The following PCDHGA1 variants were observed in gnomAD, a reference collection of about 807,000 sequenced individuals.
PCDHGA1 encodes protocadherin gamma subfamily A, 1.
In PCDHGA1, 32 loss-of-function variants were observed where a neutral mutation model predicts 58.0. The observed-to-expected ratio is 0.55, with a 90% CI of 0.42 to 0.74. The LOEUF (loss-of-function observed/expected upper bound fraction) is 0.74, where lower values mean the gene tolerates loss of function less well. PCDHGA1 is among the 30% of genes least tolerant of loss of function. The probability of loss-of-function intolerance (pLI) is 0.00; values close to 1 mark genes in which losing one functional copy is unlikely to be tolerated. For synonymous variants in PCDHGA1, 498 were observed against 501.1 expected (o/e 0.99, Z 0.08); for missense variants, 1,205 against 1,182.3 (o/e 1.02, Z -0.28).
chr5:141,478,711 T>C, intron 1 of PCDHGA1: 3 of 1,547,346 alleles, frequency 1.9e-6, no homozygotes, highest in Non-Finnish European at 1.7e-6. Flanking sequence ...CTTTGTGAGA[T>C]GGTGGCCTGC....
rs757158343 is a variant in PCDHGA1, at chr5:141,346,466, A to G, written c.2421+13361A>G. The G allele has an allele frequency of 5.0e-6, 8 of 1,613,876 alleles. No individual in the cohort carries two copies. In the Admixed American group the frequency reaches 1.3e-4, roughly 27 times the overall value. On this transcript the variant is annotated intron_variant, in intron 1 of 3. Transcript: ENST00000517417. ...ATTCCAACCTACTTCAGGTGAGTTTATTTATTTCTTTGATTATTAAGAACA... is the reference window on the plus strand; with the variant it reads ...ATTCCAACCTACTTCAGGTGAGTTTGTTTATTTCTTTGATTATTAAGAACA...
At chr5:141,375,787 C>T (rs759753735) in intron 1 of PCDHGA1, 1 of 1,614,256 alleles carries the variant, frequency 6.2e-7, no homozygotes, top group South Asian at 1.1e-5. Flanking sequence ...CCGCCCTCCC[C>T]ACAGACGGTT....
intron 1 of PCDHGA1, chr5:141,405,168 A>G: frequency 1.2e-6 from 2 of 1,613,960 alleles, no homozygotes. Flanking sequence ...CCCACCTCAC[A>G]CTTTGTGGGT....
At chr5:141,346,096 A>G in intron 1 of PCDHGA1, 1 of 1,613,228 alleles carries the variant, frequency 6.2e-7, no homozygotes, top group Non-Finnish European at 8.5e-7. Flanking sequence ...AACGATTCGG[A>G]CCTCACTCTG....
At chr5:141,347,089 TCCTTCCTTCCTC>T (rs1757864201) in intron 1 of PCDHGA1, among the ~76,000 whole-genome samples, 1 of 145,754 alleles carries the variant, frequency 6.9e-6, no homozygotes, top group Admixed American at 6.7e-5. Flanking sequence ...CTTTCCTCCT[TCCTTCCTTCCTC>T]TCTCTCTTTC....
Position 141,464,802 on chromosome 5 carries a change from A to G in PCDHGA1, c.2422-30005A>G, listed in dbSNP as rs545738780. ...TGCCCAGGCCAAATTGCAGTGATGC[A>G]GTCATAGCTCACTGTAGCCTCGCAC... On this transcript the variant is annotated intron_variant, in intron 1 of 3. Transcript: ENST00000517417. Among the ~76,000 whole-genome samples, 25 of 152,032 alleles carry G rather than the reference A, an allele frequency of 1.6e-4. No homozygotes were observed. In the East Asian group the frequency reaches 4.8e-3, roughly 29 times the overall value.
intron 1 of PCDHGA1, chr5:141,371,990 G>A (rs1768271150): frequency 6.2e-7 from 1 of 1,613,140 alleles, no homozygotes; most frequent in Admixed American, 1.7e-5. Flanking sequence ...AGCTCACTCT[G>A]CAGGCCCGCG....
chr5:141,427,013 T>A, intron 1 of PCDHGA1: 2 of 456,846 alleles, frequency 4.4e-6, no homozygotes, highest in Non-Finnish European at 8.8e-6. Flanking sequence ...TTAGCCAGGA[T>A]GTATACAAAG....
At chr5:141,344,090 C>G (rs200693710) in intron 1 of PCDHGA1, 5 of 1,613,426 alleles carry the variant, frequency 3.1e-6, no homozygotes, top group African/African-American at 1.3e-5. Context: ...TGTGCGCGCT[C>G]CTGGGGACGC....
chr5:141,507,495 G>A (rs375483743), intron 3 of PCDHGA1, among the ~76,000 whole-genome samples: 5 of 152,352 alleles, frequency 3.3e-5, no homozygotes, highest in East Asian at 3.9e-4. Flanking sequence ...AGGCAGAGCT[G>A]TCCCAGGTCT....
At chr5:141,366,593 C>T in intron 1 of PCDHGA1, 1 of 1,614,248 alleles carries the variant, frequency 6.2e-7, no homozygotes, top group Non-Finnish European at 8.5e-7. Flanking sequence ...GACCTATTCC[C>T]ACGAGGTCTC....
intron 1 of PCDHGA1, chr5:141,375,643 C>T (rs1443985601): frequency 1.9e-6 from 3 of 1,614,092 alleles, no homozygotes; most frequent in Admixed American, 3.3e-5. Flanking sequence ...TGCGCTCCTT[C>T]GACTATGAGC....
chr5:141,494,926 G>T, intron 2 of PCDHGA1, 61 bp downstream of exon 2: 1 of 1,613,498 alleles, frequency 6.2e-7, no homozygotes, highest in Non-Finnish European at 8.5e-7. Flanking sequence ...GGATGACGTG[G>T]GAGGAGATGG....
intron 1 of PCDHGA1, among the ~76,000 whole-genome samples, chr5:141,464,265 AAAAAAAAAAAAAGC>A (rs1446781862): frequency 7.4e-6 from 1 of 135,276 alleles, no homozygotes; most frequent in Non-Finnish European, 1.6e-5. Flanking sequence ...ACTCCGTCTA[AAAAAAAAAAAAAGC>A]AAAAAAAAAA....
At chr5:141,341,213 G>T in intron 1 of PCDHGA1, 2 of 1,614,226 alleles carry the variant, frequency 1.2e-6, no homozygotes, top group Admixed American at 3.3e-5. Flanking sequence ...CGGGGTTCGG[G>T]CTTTCCTGCA....
intron 2 of PCDHGA1, among the ~76,000 whole-genome samples, chr5:141,499,445 C>A (rs904360147): frequency 1.3e-5 from 2 of 152,062 alleles, no homozygotes; most frequent in African/African-American, 4.8e-5. Flanking sequence ...AAAGGAAAAC[C>A]ACCCATCATT....
At position 141,390,172 on chromosome 5, in the gene PCDHGA1, ATT is replaced by A. The variant is rs745723390; in HGVS notation, c.2421+57069_2421+57070del. 218 of 1,614,012 alleles carry A rather than the reference ATT, an allele frequency of 1.4e-4. 1 individual carries two copies. In the African/African-American group the frequency reaches 2.7e-3, roughly 20 times the overall value. ...GCACATACAGGAAAGACGGAGTTTA[ATT>A]TCCTAAAATGTAGTGAGCAGTTGAG... On this transcript the variant is annotated intron_variant, in intron 1 of 3. Transcript: ENST00000517417.
chr5:141,410,897 A>G (rs1276742953), intron 1 of PCDHGA1: 1 of 273,412 alleles, frequency 3.7e-6, no homozygotes, highest in African/African-American at 3.4e-5. Flanking sequence ...ACTGTTGCCT[A>G]GGCTGGAGTG....
At chr5:141,361,039 A>G (rs1561522364) in intron 1 of PCDHGA1, 6 of 1,613,496 alleles carry the variant, frequency 3.7e-6, no homozygotes, top group Non-Finnish European at 4.2e-6. Flanking sequence ...AGGAGAAATC[A>G]CGACAAAGGA....
Sources: gnomAD v4.1 joint callset for allele counts (sites outside exome capture counted in the v4.1 genomes callset) on GRCh38, gnomAD v4.1.1 for gene constraint, MANE v1.5 for transcripts, NCBI Gene and HGNC (gene_info 2026-07-23, HGNC 2026-07-21) for gene names.